The following LRGUK variants were observed in gnomAD, a reference collection of about 807,000 sequenced individuals.
The protein encoded by LRGUK is leucine rich repeats and guanylate kinase domain containing.
A neutral mutation model predicts 76.0 loss-of-function variants in LRGUK; 65 were observed. The ratio of observed to expected loss-of-function variants is 0.85; its 90% CI spans 0.70 to 1.05. The LOEUF is 1.05. LRGUK is among the 50% of genes least tolerant of loss of function. The pLI, the probability that LRGUK is intolerant of heterozygous loss-of-function variation, is 0.00. For missense variants in LRGUK, 758 were observed against 732.8 expected, an observed-to-expected ratio of 1.03 and a Z score of -0.40; for synonymous variants, 268 against 265.6, an observed-to-expected ratio of 1.01 and a Z score of -0.09.
At chr7:134,150,604 G>A (rs567118379) in intron 5 of LRGUK, among the ~76,000 whole-genome samples, 4 of 152,208 alleles carry the variant, frequency 2.6e-5, no homozygotes, top group Admixed American at 1.3e-4. Flanking sequence ...TGCCATGGCA[G>A]TCTGGAGTTT....
At chr7:134,179,987 C>T (rs1799668553) in intron 10 of LRGUK, among the ~76,000 whole-genome samples, 1 of 152,142 alleles carries the variant, frequency 6.6e-6, no homozygotes, top group African/African-American at 2.4e-5. Context: ...TGTCCCCTCT[C>T]CTGGTATAAT....
At chr7:134,263,451 T>C (rs1482426398) in intron 19 of LRGUK, among the ~76,000 whole-genome samples, 2 of 72,262 alleles carry the variant, frequency 2.8e-5, no homozygotes, top group East Asian at 2.5e-4. Flanking sequence ...GAAAGAGTAC[T>C]GTGTGGAGCA....
chr7:134,213,384 TCA>T (rs566635589), downstream of LRGUK, among the ~76,000 whole-genome samples: 389 of 152,218 alleles, frequency 2.6e-3, 1 homozygote, highest in South Asian at 9.6e-3. Context: ...GCAGGAATTG[TCA>T]AATTAGGTAA....
At chr7:134,199,465 A>G in intron 14 of LRGUK, 44 bp downstream of exon 14, 1 of 1,528,896 alleles carries the variant, frequency 6.5e-7, no homozygotes, top group Non-Finnish European at 9.0e-7. Context: ...ATGTAAGATT[A>G]CTGAATTAAA....
intron 12 of LRGUK, among the ~76,000 whole-genome samples, chr7:134,193,911 A>G (rs906768150): frequency 1.3e-5 from 2 of 152,100 alleles, no homozygotes; most frequent in Non-Finnish European, 2.9e-5. Context: ...CGTACAACAC[A>G]TAGACCTGTA....
intron 16 of LRGUK, among the ~76,000 whole-genome samples, chr7:134,238,083 C>A (rs563123233): frequency 1.4e-4 from 22 of 152,296 alleles, no homozygotes; most frequent in African/African-American, 5.1e-4. Context: ...TTCATAGCTA[C>A]ACTATCAAAG....
chr7:134,247,749 G>A (rs770624881), intron 17 of LRGUK, 105 bp downstream of exon 17: 4 of 774,164 alleles, frequency 5.2e-6, no homozygotes, highest in Non-Finnish European at 8.3e-6. Context: ...GTCCTAAAAT[G>A]GACCCAGTGT....
At chr7:134,180,043 C>G (rs1191159046) in intron 10 of LRGUK, among the ~76,000 whole-genome samples, 1 of 152,186 alleles carries the variant, frequency 6.6e-6, no homozygotes. Flanking sequence ...AACCTTGACT[C>G]TGGTCTGGTA....
At chr7:134,188,269 C>T (rs905158639) in intron 11 of LRGUK, among the ~76,000 whole-genome samples, 1 of 151,978 alleles carries the variant, frequency 6.6e-6, no homozygotes, top group Non-Finnish European at 1.5e-5. Flanking sequence ...GGAAGTGGGG[C>T]TTGAGTTGAG....
intron 16 of LRGUK, among the ~76,000 whole-genome samples, chr7:134,222,867 G>A (rs1164515909): frequency 6.6e-6 from 1 of 152,078 alleles, no homozygotes; most frequent in African/African-American, 2.4e-5. Context: ...CAAAGTGCTG[G>A]GATTACAGGT....
chr7:134,251,842 C>T (rs1429598326), intron 18 of LRGUK, among the ~76,000 whole-genome samples: 1 of 152,094 alleles, frequency 6.6e-6, no homozygotes, highest in East Asian at 1.9e-4. Context: ...GAGAAGATCC[C>T]ATGCATAGGT....
chr7:134,163,235 G>A (rs1294749931), intron 6 of LRGUK, among the ~76,000 whole-genome samples, 162 bp from the exon 7 acceptor site: 1 of 152,204 alleles, frequency 6.6e-6, no homozygotes, highest in Non-Finnish European at 1.5e-5. Flanking sequence ...ATGTGTAGGT[G>A]TTTAGAGAGG....
At chr7:134,155,858 A>G (rs1798433543) in intron 5 of LRGUK, among the ~76,000 whole-genome samples, 1 of 152,180 alleles carries the variant, frequency 6.6e-6, no homozygotes, top group Admixed American at 6.5e-5. Flanking sequence ...TGTTTTTGTG[A>G]TATTTATGAC....
chr7:134,189,441 G>T (rs1800108563), intron 11 of LRGUK, among the ~76,000 whole-genome samples: 1 of 152,126 alleles, frequency 6.6e-6, no homozygotes, highest in African/African-American at 2.4e-5. Context: ...AAAATTGGAT[G>T]ATGAATTAAA....
At chr7:134,236,402 G>C (rs894615576) in intron 16 of LRGUK, among the ~76,000 whole-genome samples, 2 of 152,032 alleles carry the variant, frequency 1.3e-5, no homozygotes, top group South Asian at 4.1e-4. Flanking sequence ...TAATCTACAG[G>C]TTCTCCACCC....
chr7:134,221,285 T>G (rs1001847488), intron 15 of LRGUK, among the ~76,000 whole-genome samples: 2 of 152,210 alleles, frequency 1.3e-5, no homozygotes, highest in Non-Finnish European at 2.9e-5. Flanking sequence ...TACAGTATTC[T>G]TATATTCTAG....
intron 18 of LRGUK, among the ~76,000 whole-genome samples, chr7:134,250,466 A>G (rs1397906521): frequency 1.3e-5 from 2 of 152,168 alleles, no homozygotes; most frequent in Admixed American, 1.3e-4. Context: ...GCATAACTTT[A>G]CAAAGTTATT....
intron 15 of LRGUK, among the ~76,000 whole-genome samples, chr7:134,203,069 G>A (rs1419929327): frequency 6.6e-6 from 1 of 152,082 alleles, no homozygotes; most frequent in African/African-American, 2.4e-5. Context: ...CAGGCGTGGT[G>A]GCATGTGCCT....
At chr7:134,180,013 G>A (rs1799670835) in intron 10 of LRGUK, among the ~76,000 whole-genome samples, 1 of 152,186 alleles carries the variant, frequency 6.6e-6, no homozygotes, top group Admixed American at 6.5e-5. Flanking sequence ...TGAGGATACA[G>A]TATTAAAATG....
Sources: gnomAD v4.1 joint callset for allele counts (sites outside exome capture counted in the v4.1 genomes callset) on GRCh38, gnomAD v4.1.1 for gene constraint, MANE v1.5 for transcripts, NCBI Gene and HGNC (gene_info 2026-07-23, HGNC 2026-07-21) for gene names.